SDK1: variants seen among roughly 807,000 people sequenced by gnomAD.
SDK1 encodes sidekick cell adhesion molecule 1, also known as protein sidekick-1.
SDK1 carries 157 observed loss-of-function variants against 245.5 expected under a neutral mutation model. That is an observed-to-expected ratio of 0.64 (90% confidence interval 0.56 to 0.73). The LOEUF is 0.73. Among genes scored for constraint, SDK1 ranks in the 30% least tolerant of loss-of-function variants. SDK1 has a pLI of 0.00. For synonymous variants in SDK1, 1,647 were observed against 1,278.5 expected (o/e 1.29, Z -6.15); for missense variants, 3,583 against 3,002.3 (o/e 1.19, Z -4.52).
At chr7:3,689,511 A>AT (rs764494080) in intron 4 of SDK1, among the ~76,000 whole-genome samples, 9 of 152,156 alleles carry the variant, frequency 5.9e-5, no homozygotes, top group Non-Finnish European at 1.2e-4. Context: ...TACGTGTAGT[A>AT]TTTTTTGTTA....
intron 1 of SDK1, among the ~76,000 whole-genome samples, chr7:3,436,869 C>G (rs10266047): frequency 0.38 from 58,400 of 152,050 alleles, 12,508 homozygotes; most frequent in Admixed American, 0.49. Flanking sequence ...CCCCAAGAAC[C>G]TACATAGACA....
At chr7:3,475,343 C>A (rs905602922) in intron 1 of SDK1, among the ~76,000 whole-genome samples, 39 of 152,316 alleles carry the variant, frequency 2.6e-4, no homozygotes, top group African/African-American at 8.9e-4. Flanking sequence ...AACTGCCCCA[C>A]CTATTCGCAC....
rs1562384320 is a variant in SDK1, at chr7:3,705,012, A to G, written c.713+62907A>G. ...CAGTTGATTTTAAGTATTTGGCTTT[A>G]TTTCTAGGCTCTCTACTCTGTTTCA... On this transcript the variant is annotated intron_variant, in intron 4 of 44. Coordinates refer to ENST00000404826, the MANE Select transcript of SDK1 (RefSeq NM_152744.4). Among the ~76,000 whole-genome samples the G allele has an allele frequency of 4.6e-5, 7 of 152,078 alleles. 1 individual carries two copies. The South Asian group carries it at 1.4e-3, about 31-fold the overall frequency.
chr7:3,321,349 G>A (rs757008239), intron 1 of SDK1, among the ~76,000 whole-genome samples: 35 of 152,072 alleles, frequency 2.3e-4, no homozygotes, highest in Non-Finnish European at 4.3e-4. Context: ...CAGTACTAAT[G>A]ACAGAGTCCC....
intron 44 of SDK1, 126 bp downstream of exon 44, chr7:4,245,931 C>G: frequency 2.6e-6 from 3 of 1,144,772 alleles, no homozygotes; most frequent in Non-Finnish European, 2.5e-6. Flanking sequence ...GAGCCAAGGA[C>G]AAAGGGCTTC....
chr7:4,229,856 C>T (rs1051707424), intron 40 of SDK1, among the ~76,000 whole-genome samples: 3 of 151,866 alleles, frequency 2.0e-5, no homozygotes, highest in Admixed American at 6.6e-5. Flanking sequence ...GACTTGCTCA[C>T]AGTAAGCAGT....
intron 13 of SDK1, among the ~76,000 whole-genome samples, chr7:3,983,908 C>T (rs1289486780): frequency 1.3e-5 from 2 of 152,302 alleles, no homozygotes; most frequent in African/African-American, 4.8e-5. Flanking sequence ...AGGACGTGTG[C>T]GTCTCTGCAC....
In SDK1 at chr7:3,381,076, G is replaced by A. The variant is rs75796832; in HGVS notation, c.298+79192G>A. ...CTGCAGGAGTTATGTGCTTAGAGGT[G>A]GTAATTGAAGTCAAGAGTGTGATTA... On this transcript the variant is annotated intron_variant, in intron 1 of 44. Transcript: ENST00000404826. Among the ~76,000 whole-genome samples the A allele has an allele frequency of 2.6e-4, 40 of 152,292 alleles. No homozygotes were observed. In the East Asian group the frequency reaches 7.7e-3, roughly 29 times the overall value.
chr7:4,166,467 C>A (rs1362593232), intron 32 of SDK1, among the ~76,000 whole-genome samples: 1 of 152,252 alleles, frequency 6.6e-6, no homozygotes, highest in South Asian at 2.1e-4. Context: ...TGCCAGGCCC[C>A]TGCAGTGAAA....
At chr7:3,427,535 A>T (rs904093502) in intron 1 of SDK1, among the ~76,000 whole-genome samples, 3 of 151,916 alleles carry the variant, frequency 2.0e-5, no homozygotes, top group Non-Finnish European at 4.4e-5. Context: ...AAAAAAAAAA[A>T]AAAAATCAGA....
Position 3,957,262 on chromosome 7 carries a change from C to T in SDK1, c.1151-1669C>T, listed in dbSNP as rs11981174. Among the ~76,000 whole-genome samples, 470 of 152,302 alleles carry T rather than the reference C, an allele frequency of 3.1e-3. 3 individuals are homozygous for T. Among genetic ancestry groups the T allele is most frequent in the African/African-American group, 0.011 (444 of 41,560 alleles). Reference sequence around the variant, plus strand: ...ACGTAATAATGTTGCATGGGACGTGCATGTGCCGTCTTTTCACGCACACTT... The same window carrying T: ...ACGTAATAATGTTGCATGGGACGTGTATGTGCCGTCTTTTCACGCACACTT... On this transcript the variant is annotated intron_variant, in intron 7 of 44. Coordinates refer to ENST00000404826, the MANE Select transcript of SDK1 (RefSeq NM_152744.4).
At chr7:3,862,043 C>T (rs1780706103) in intron 5 of SDK1, among the ~76,000 whole-genome samples, 1 of 152,176 alleles carries the variant, frequency 6.6e-6, no homozygotes, top group Non-Finnish European at 1.5e-5. Context: ...TTTCCCAGAG[C>T]ACGGTTTGAA....
At chr7:3,618,008 C>G (rs771113965) in intron 1 of SDK1, among the ~76,000 whole-genome samples, 1 of 152,026 alleles carries the variant, frequency 6.6e-6, no homozygotes, top group East Asian at 1.9e-4. Context: ...GCAGGTGGAT[C>G]TTGGGGACTT....
intron 1 of SDK1, among the ~76,000 whole-genome samples, chr7:3,396,206 A>T (rs1427747268): frequency 6.6e-6 from 1 of 151,732 alleles, no homozygotes; most frequent in East Asian, 1.9e-4. Flanking sequence ...TTTTAAAAAA[A>T]TTTTTCTTTG....
chr7:3,744,379 A>T (rs182689406), intron 4 of SDK1, among the ~76,000 whole-genome samples: 93 of 152,298 alleles, frequency 6.1e-4, no homozygotes, highest in Non-Finnish European at 9.6e-4. Context: ...ATTATAATAT[A>T]AGCATCATTT....
At chr7:3,994,633 C>T (rs1318234303) in intron 14 of SDK1, among the ~76,000 whole-genome samples, 1 of 137,958 alleles carries the variant, frequency 7.2e-6, no homozygotes, top group Admixed American at 7.2e-5. Context: ...CAGAATGAGA[C>T]TTCATCTCAA....
At chr7:3,891,337 C>T (rs905039347) in intron 5 of SDK1, among the ~76,000 whole-genome samples, 61 of 152,222 alleles carry the variant, frequency 4.0e-4, no homozygotes, top group African/African-American at 1.4e-3. Context: ...GTGCACTCTT[C>T]TGTCATCCTC....
chr7:3,686,608 A>G (rs1202725261), intron 4 of SDK1, among the ~76,000 whole-genome samples: 1 of 134,030 alleles, frequency 7.5e-6, no homozygotes, highest in African/African-American at 2.9e-5. Context: ...CAGGTACTAT[A>G]TGCTGTGTTC....
intron 1 of SDK1, among the ~76,000 whole-genome samples, chr7:3,308,536 A>G (rs754823158): frequency 1.6e-4 from 24 of 146,658 alleles, no homozygotes; most frequent in Admixed American, 1.2e-3. Flanking sequence ...AAATAGTCCA[A>G]TTTCTTGAAA....
Sources: gnomAD v4.1 joint callset for allele counts (sites outside exome capture counted in the v4.1 genomes callset) on GRCh38, gnomAD v4.1.1 for gene constraint, MANE v1.5 for transcripts, NCBI Gene and HGNC (gene_info 2026-07-23, HGNC 2026-07-21) for gene names.